FAT3: variants seen among roughly 807,000 people sequenced by gnomAD.
FAT3 encodes the protein protocadherin Fat 3.
A neutral mutation model predicts 310.2 loss-of-function variants in FAT3; 95 were observed. That is an observed-to-expected ratio of 0.31 (90% CI 0.26 to 0.36). The LOEUF is 0.36. FAT3 is among the 10% of genes least tolerant of loss of function. FAT3 has a pLI of 1.00. For missense variants in FAT3, 5,408 were observed against 5,715.6 expected (o/e 0.95, Z 1.74); for synonymous variants, 2,314 against 2,192.9 (o/e 1.06, Z -1.54).
intron 4 of FAT3, among the ~76,000 whole-genome samples, chr11:92,753,299 T>C (rs1591685780): frequency 6.6e-6 from 1 of 152,274 alleles, no homozygotes; most frequent in Non-Finnish European, 1.5e-5. Context: ...CAGCTACCTA[T>C]GACATCAATT....
intron 1 of FAT3, among the ~76,000 whole-genome samples, chr11:92,329,089 C>T (rs1222646091): frequency 7.4e-6 from 1 of 134,990 alleles, no homozygotes; most frequent in Admixed American, 6.9e-5. Flanking sequence ...GTGTAATCAT[C>T]CAGACTTTTT....
intron 2 of FAT3, among the ~76,000 whole-genome samples, chr11:92,486,995 G>C (rs758517739): frequency 6.6e-6 from 1 of 152,178 alleles, no homozygotes; most frequent in African/African-American, 2.4e-5. Flanking sequence ...GAACAAGGGA[G>C]AGGAAAAGGC....
At chr11:92,344,806 A>G (rs527244410) in intron 1 of FAT3, among the ~76,000 whole-genome samples, 6 of 152,236 alleles carry the variant, frequency 3.9e-5, no homozygotes, top group South Asian at 4.2e-4. Context: ...ATTGATGGCA[A>G]TCGGGTTTGG....
chr11:92,539,877 G>C (rs1954383250), intron 3 of FAT3, among the ~76,000 whole-genome samples: 1 of 152,152 alleles, frequency 6.6e-6, no homozygotes, highest in Non-Finnish European at 1.5e-5. Context: ...TAAAAGCAGG[G>C]CTGGCTTCAT....
At chr11:92,493,384 G>A (rs555522473) in intron 2 of FAT3, among the ~76,000 whole-genome samples, 2 of 152,184 alleles carry the variant, frequency 1.3e-5, no homozygotes, top group Non-Finnish European at 2.9e-5. Flanking sequence ...CCTGCCTTAA[G>A]TACTTAGAGT....
At chr11:92,365,868 C>A (rs542722488) in intron 2 of FAT3, among the ~76,000 whole-genome samples, 1 of 152,308 alleles carries the variant, frequency 6.6e-6, no homozygotes, top group South Asian at 2.1e-4. Flanking sequence ...ACATGTGGGG[C>A]TATTTCAACT....
At chr11:92,719,720 C>CTGTGTGTGTGTG (rs751825746) in intron 4 of FAT3, among the ~76,000 whole-genome samples, 35 of 136,858 alleles carry the variant, frequency 2.6e-4, no homozygotes, top group East Asian at 1.3e-3. Context: ...AGAACCAACT[C>CTGTGTGTGTGTG]TGTGTGTGTG....
In FAT3 at chr11:92,882,516, G is replaced by T. The variant is rs116259451; in HGVS notation, c.12282-222G>T. 4.1e-3 allele frequency among the ~76,000 whole-genome samples: 612 copies of T among 148,392 alleles called. 4 individuals carry two copies. Among genetic ancestry groups the T allele is most frequent in the African/African-American group, 0.014 (567 of 40,108 alleles). ...GACCTGGGAGAGATTGGGTTGGGAG[G>T]AACACCTTAAGGCAAGGTGATGACT... On this transcript the variant is annotated intron_variant, in intron 23 of 27. Transcript: ENST00000525166.
intron 2 of FAT3, among the ~76,000 whole-genome samples, chr11:92,507,651 CAT>C (rs1280298820): frequency 6.6e-6 from 1 of 150,420 alleles, no homozygotes; most frequent in Non-Finnish European, 1.5e-5. Flanking sequence ...GGAATATATA[CAT>C]ATATACACAT....
At chr11:92,351,947 G>T (rs757556805) in intron 1 of FAT3, 149 bp from the exon 2 acceptor site, 1 of 337,732 alleles carries the variant, frequency 3.0e-6, no homozygotes, top group Non-Finnish European at 4.7e-6. Flanking sequence ...TAGTGGCAAG[G>T]TTTCTAATTT....
At chr11:92,246,029 C>T (rs370824981) in intron 1 of FAT3, among the ~76,000 whole-genome samples, 3 of 152,056 alleles carry the variant, frequency 2.0e-5, no homozygotes, top group African/African-American at 7.2e-5. Flanking sequence ...AGTGGATGAA[C>T]GCTGAAAGAG....
At chr11:92,489,463 G>A (rs950140650) in intron 2 of FAT3, among the ~76,000 whole-genome samples, 3 of 152,020 alleles carry the variant, frequency 2.0e-5, no homozygotes, top group African/African-American at 4.8e-5. Context: ...GAGATCTTAT[G>A]GAGAGTCTGT....
intron 3 of FAT3, among the ~76,000 whole-genome samples, chr11:92,677,061 A>T (rs972388426): frequency 3.9e-5 from 6 of 152,214 alleles, no homozygotes; most frequent in African/African-American, 1.4e-4. Context: ...AAACTAGGTT[A>T]TTATTATCCC....
chr11:92,230,751 G>C (rs1289813442), intron 1 of FAT3, among the ~76,000 whole-genome samples: 10 of 152,204 alleles, frequency 6.6e-5, no homozygotes, highest in Non-Finnish European at 1.2e-4. Context: ...AGAGATGCCT[G>C]TGTGTGTACA....
At chr11:92,784,296 A>T (rs1449163475) in intron 7 of FAT3, among the ~76,000 whole-genome samples, 1 of 152,268 alleles carries the variant, frequency 6.6e-6, no homozygotes, top group Non-Finnish European at 1.5e-5. Context: ...AAAACTTACA[A>T]GCTTGAGGAG....
intron 4 of FAT3, among the ~76,000 whole-genome samples, chr11:92,730,816 C>G (rs929766685): frequency 6.6e-6 from 1 of 152,086 alleles, no homozygotes; most frequent in African/African-American, 2.4e-5. Context: ...CTATTCCATT[C>G]AAATCTCAAA....
At chr11:92,747,570 C>CAAATTTCTGCAGCTGGCTT (rs1436929400) in intron 4 of FAT3, among the ~76,000 whole-genome samples, 1 of 152,226 alleles carries the variant, frequency 6.6e-6, no homozygotes, top group Non-Finnish European at 1.5e-5. Context: ...ATTACTTGTG[C>CAAATTTCTGCAGCTGGCTT]AAATTTCTGC....
At chr11:92,387,170 T>G (rs1484656205) in intron 2 of FAT3, among the ~76,000 whole-genome samples, 1 of 151,168 alleles carries the variant, frequency 6.6e-6, no homozygotes, top group Non-Finnish European at 1.5e-5. Context: ...TGGAACCAGG[T>G]CCAAATAGAG....
At chr11:92,324,594 G>A (rs989418757) in intron 1 of FAT3, among the ~76,000 whole-genome samples, 1 of 152,146 alleles carries the variant, frequency 6.6e-6, no homozygotes, top group Non-Finnish European at 1.5e-5. Context: ...AGAGATCACT[G>A]ATCACAGACC....
Sources: allele counts gnomAD v4.1 joint callset (sites outside exome capture counted in the v4.1 genomes callset), GRCh38; gene constraint gnomAD v4.1.1; transcripts MANE v1.5; gene names NCBI Gene and HGNC (gene_info 2026-07-23, HGNC 2026-07-21).